The following FBLN7 variants were observed in gnomAD, a reference collection of about 807,000 sequenced individuals.
FBLN7 encodes the protein fibulin 7.
Under a neutral mutation model 44.0 loss-of-function variants are expected in FBLN7, and 31 were observed. That is an observed-to-expected ratio of 0.70 (90% CI 0.53 to 0.95). The LOEUF is 0.95. Ranked by LOEUF, FBLN7 falls within the 40% of genes least tolerant of loss-of-function variation. The pLI, the probability that FBLN7 is intolerant of heterozygous loss-of-function variation, is 0.00. For synonymous variants in FBLN7, 262 were observed against 253.4 expected, an observed-to-expected ratio of 1.03 and a Z score of -0.32; for missense variants, 573 against 618.5, an observed-to-expected ratio of 0.93 and a Z score of 0.78.
intron 5 of FBLN7, 130 bp downstream of exon 5, chr2:112,182,006 C>T (rs1191951750): frequency 8.5e-7 from 1 of 1,173,920 alleles, no homozygotes; most frequent in Admixed American, 3.1e-5. Flanking sequence ...GGCCTGGCCA[C>T]TTTGCATTAT....
Position 112,187,154 on chromosome 2 carries a change from GCC to G in FBLN7, c.971_972del (p.Pro324HisfsTer114). 6.2e-7 allele frequency: 1 copy of G among 1,614,044 alleles called. No homozygotes were observed. Among genetic ancestry groups the G allele is most frequent in the South Asian group, 1.1e-5 (1 of 91,080 alleles). On this transcript the variant is annotated frameshift_variant, in exon 8 of 8. Coordinates refer to ENST00000331203, the MANE Select transcript of FBLN7 (RefSeq NM_153214.3). LOFTEE classifies it high-confidence loss of function. The surrounding 1 kb of genome is among the most constrained non-coding windows in gnomAD (Gnocchi z 5.1). ...TCCAGCCAGTGTGAGCGGAACCCCT[GCC>G]CCATGGACAGCAGGCCCTGCCGCCA...
At chr2:112,167,231 C>G (rs1573803869) in intron 3 of FBLN7, among the ~76,000 whole-genome samples, 1 of 152,196 alleles carries the variant, frequency 6.6e-6, no homozygotes, top group South Asian at 2.1e-4. Context: ...ATGAGTTCAT[C>G]AGAGATGATA....
intron 2 of FBLN7, among the ~76,000 whole-genome samples, chr2:112,164,542 T>C (rs1012754878): frequency 6.0e-5 from 9 of 150,586 alleles, no homozygotes; most frequent in African/African-American, 2.2e-4. Flanking sequence ...ACCTGGAGAG[T>C]GAGAAGGAGC....
rs200628440 is a variant in FBLN7, at chr2:112,164,951, G to C, written c.236-50G>C. 639 of 1,591,126 alleles carry C rather than the reference G, an allele frequency of 4.0e-4. 1 individual carries two copies. In the African/African-American group the frequency reaches 4.2e-3, roughly 10 times the overall value. ...GTCCTGTAATTCAGTAATGTCTAAGGGCTGTGGTCCAGGATGAGGAGCTCG... is the reference window on the plus strand; with the variant it reads ...GTCCTGTAATTCAGTAATGTCTAAGCGCTGTGGTCCAGGATGAGGAGCTCG... On this transcript the variant is annotated intron_variant, in intron 2 of 7. Coordinates refer to ENST00000331203, the MANE Select transcript of FBLN7 (RefSeq NM_153214.3).
chr2:112,212,891 A>C, the FBLN7 span: 1 of 150,880 alleles, frequency 6.6e-6, no homozygotes, highest in Non-Finnish European at 1.5e-5. Context: ...TGGCAGGAGG[A>C]GCCCCATGCT....
At chr2:112,189,362 C>T (rs1275042206), downstream of FBLN7, 1 of 152,336 alleles carries the variant, frequency 6.6e-6, no homozygotes, top group African/African-American at 2.4e-5. Context: ...AAATGGCTGA[C>T]TGCTTAGGAT....
intron 1 of FBLN7, among the ~76,000 whole-genome samples, chr2:112,140,866 T>A (rs1680611143): frequency 6.6e-6 from 1 of 152,238 alleles, no homozygotes. Flanking sequence ...TAAACACATA[T>A]ACAGGCGGCT....
chr2:112,145,125 C>T (rs1403622271), intron 1 of FBLN7, among the ~76,000 whole-genome samples: 1 of 152,186 alleles, frequency 6.6e-6, no homozygotes, highest in East Asian at 1.9e-4. Flanking sequence ...ATTTGTTTTT[C>T]TCCAAGTCAT....
the FBLN7 span, among the ~76,000 whole-genome samples, chr2:112,206,733 GTT>G: frequency 1.2e-4 from 15 of 122,952 alleles, no homozygotes; most frequent in Admixed American, 2.5e-4. Context: ...CTTATTGACT[GTT>G]TTTTTTTTTT....
At chr2:112,206,541 C>A in the FBLN7 span, among the ~76,000 whole-genome samples, 1 of 152,094 alleles carries the variant, frequency 6.6e-6, no homozygotes, top group Non-Finnish European at 1.5e-5. Context: ...TGTGCCTCAG[C>A]CTCCCAAGTA....
intron 1 of FBLN7, among the ~76,000 whole-genome samples, chr2:112,144,171 T>C (rs1680785672): frequency 6.6e-6 from 1 of 152,166 alleles, no homozygotes; most frequent in South Asian, 2.1e-4. Context: ...GAAATATAGC[T>C]CTCCTACGCG....
At chr2:112,230,167 C>G in the FBLN7 span, among the ~76,000 whole-genome samples, 3 of 152,050 alleles carry the variant, frequency 2.0e-5, no homozygotes, top group Non-Finnish European at 4.4e-5. Flanking sequence ...AATTAAGTTA[C>G]GAGATTCTAT....
At chr2:112,177,931 G>GGTGGGTGGATCATTT (rs1682806271) in intron 4 of FBLN7, 1 of 152,240 alleles carries the variant, frequency 6.6e-6, no homozygotes, top group Admixed American at 6.5e-5. Context: ...GGGAGGCTGA[G>GGTGGGTGGATCATTT]GTGGGTGGAT....
At chr2:112,179,898 C>T (rs770313804) in intron 4 of FBLN7, among the ~76,000 whole-genome samples, 22 of 152,148 alleles carry the variant, frequency 1.4e-4, no homozygotes, top group Admixed American at 3.9e-4. Flanking sequence ...TGGAAGACAA[C>T]GTAGGCAATA....
chr2:112,194,949 G>A, the FBLN7 span, among the ~76,000 whole-genome samples: 2 of 152,324 alleles, frequency 1.3e-5, no homozygotes, highest in East Asian at 3.9e-4. Context: ...CAATGTGGGT[G>A]GTGCTGCAGG....
At chr2:112,160,760 GCACGCA>G (rs774154419) in intron 2 of FBLN7, among the ~76,000 whole-genome samples, 3,177 of 76,606 alleles carry the variant, frequency 0.041, 55 homozygotes, top group Middle Eastern at 0.091. Flanking sequence ...ACGCACACAC[GCACGCA>G]CACGCAGACG....
chr2:112,156,889 G>A (rs549938357), intron 1 of FBLN7, among the ~76,000 whole-genome samples: 46 of 152,228 alleles, frequency 3.0e-4, no homozygotes, highest in African/African-American at 1.1e-3. Flanking sequence ...CTGGGAGAGC[G>A]GCAGTGGCTC....
At chr2:112,178,209 C>T (rs913610115) in intron 4 of FBLN7, among the ~76,000 whole-genome samples, 6 of 149,474 alleles carry the variant, frequency 4.0e-5, no homozygotes, top group African/African-American at 1.5e-4. Flanking sequence ...AATTTATGTT[C>T]CTGGCAAAAA....
intron 2 of FBLN7, among the ~76,000 whole-genome samples, chr2:112,160,778 ACACGCACG>A (rs1209363802): frequency 2.8e-5 from 4 of 143,264 alleles, no homozygotes; most frequent in South Asian, 2.3e-4. Flanking sequence ...ACGCAGACGC[ACACGCACG>A]CACACGCACA....
Sources: gnomAD v4.1 joint callset for allele counts (sites outside exome capture counted in the v4.1 genomes callset) on GRCh38, gnomAD v4.1.1 for gene constraint, Gnocchi (gnomAD v3.1) non-coding constraint, MANE v1.5 for transcripts, NCBI Gene and HGNC (gene_info 2026-07-23, HGNC 2026-07-21) for gene names.